LTBP1: variants seen among roughly 807,000 people sequenced by gnomAD.
The protein encoded by LTBP1 is latent-transforming growth factor beta-binding protein 1.
In LTBP1, 129 loss-of-function variants were observed where a neutral mutation model predicts 207.6. The observed-to-expected ratio is 0.62, with a 90% CI of 0.54 to 0.72. LTBP1 has a LOEUF of 0.72. Among genes scored for constraint, LTBP1 ranks in the 30% least tolerant of loss-of-function variants. LTBP1 has a pLI of 0.00. For missense variants in LTBP1, 2,281 were observed against 2,217.2 expected, an observed-to-expected ratio of 1.03 and a Z score of -0.58; for synonymous variants, 963 against 833.7, an observed-to-expected ratio of 1.16 and a Z score of -2.67.
At chr2:32,952,493 T>C (rs1047050995) in intron 2 of LTBP1, among the ~76,000 whole-genome samples, 1 of 152,242 alleles carries the variant, frequency 6.6e-6, no homozygotes, top group African/African-American at 2.4e-5. Flanking sequence ...TTACCTGTTT[T>C]GGACAAAAGA....
At chr2:33,348,520 A>G (rs1339128386) in intron 26 of LTBP1, among the ~76,000 whole-genome samples, 1 of 152,186 alleles carries the variant, frequency 6.6e-6, no homozygotes, top group African/African-American at 2.4e-5. Flanking sequence ...GAGACTTTTC[A>G]TTTTAATTGG....
At chr2:33,284,760 C>G (rs1341545448) in intron 19 of LTBP1, among the ~76,000 whole-genome samples, 2 of 151,864 alleles carry the variant, frequency 1.3e-5, no homozygotes, top group African/African-American at 4.9e-5. Context: ...GATCTTAGTT[C>G]CCTGAATTTA....
intron 2 of LTBP1, among the ~76,000 whole-genome samples, chr2:33,018,300 G>A (rs1033185872): frequency 1.3e-5 from 2 of 151,990 alleles, no homozygotes; most frequent in Non-Finnish European, 1.5e-5. Context: ...ATTGGAGGAT[G>A]TCAGTCCTTG....
intron 5 of LTBP1, among the ~76,000 whole-genome samples, chr2:33,157,997 G>GT (rs2084119553): frequency 6.6e-6 from 1 of 152,036 alleles, no homozygotes; most frequent in Non-Finnish European, 1.5e-5. Context: ...TTAGCCAGCC[G>GT]TGGTGGCATG....
At chr2:32,955,360 A>G (rs1360841571) in intron 2 of LTBP1, among the ~76,000 whole-genome samples, 1 of 152,216 alleles carries the variant, frequency 6.6e-6, no homozygotes, top group African/African-American at 2.4e-5. Flanking sequence ...TGTTTGAAGT[A>G]TATATGTGTA....
At chr2:33,208,133 T>C (rs1199198177) in intron 7 of LTBP1, among the ~76,000 whole-genome samples, 2 of 152,240 alleles carry the variant, frequency 1.3e-5, no homozygotes, top group Admixed American at 1.3e-4. Context: ...TTTTGTTTAC[T>C]AGAATACCCC....
At chr2:33,323,095 A>G (rs1006001955) in intron 24 of LTBP1, among the ~76,000 whole-genome samples, 7 of 152,220 alleles carry the variant, frequency 4.6e-5, no homozygotes, top group Non-Finnish European at 1.0e-4. Context: ...TCAAAAATGC[A>G]TCAAATACAC....
chr2:33,169,584 G>C (rs768614864), intron 5 of LTBP1, among the ~76,000 whole-genome samples: 30 of 152,186 alleles, frequency 2.0e-4, no homozygotes, highest in Non-Finnish European at 4.0e-4. Flanking sequence ...AGGGGTAATA[G>C]CTTTTTAAGA....
chr2:33,179,466 C>A (rs902033986), intron 5 of LTBP1, among the ~76,000 whole-genome samples: 1 of 150,826 alleles, frequency 6.6e-6, no homozygotes, highest in Admixed American at 6.6e-5. Flanking sequence ...AAAAAAAAAA[C>A]CAAAGAGATG....
intron 23 of LTBP1, among the ~76,000 whole-genome samples, chr2:33,314,877 A>G (rs2094243674): frequency 6.6e-6 from 1 of 152,214 alleles, no homozygotes; most frequent in South Asian, 2.1e-4. Context: ...TATGTCTAAA[A>G]TAAGGGTAGC....
intron 2 of LTBP1, among the ~76,000 whole-genome samples, chr2:33,020,525 G>C (rs1361588088): frequency 2.6e-5 from 4 of 152,174 alleles, no homozygotes; most frequent in Admixed American, 2.6e-4. Context: ...AAATGGTTAA[G>C]AATGATAGCT....
intron 10 of LTBP1, among the ~76,000 whole-genome samples, chr2:33,244,460 A>T (rs2092440175): frequency 6.6e-6 from 1 of 152,226 alleles, no homozygotes; most frequent in Non-Finnish European, 1.5e-5. Flanking sequence ...ATTGGTTCTG[A>T]AAGATAGTTT....
At chr2:33,250,273 A>G (rs2092645654) in intron 10 of LTBP1, among the ~76,000 whole-genome samples, 1 of 152,232 alleles carries the variant, frequency 6.6e-6, no homozygotes. Flanking sequence ...TTGGCTTCAA[A>G]TAGTTGTAGA....
At chr2:33,008,785 G>A (rs2149071689) in intron 2 of LTBP1, among the ~76,000 whole-genome samples, 1 of 152,360 alleles carries the variant, frequency 6.6e-6, no homozygotes, top group East Asian at 1.9e-4. Flanking sequence ...GGAGGATAGA[G>A]GCACAAGGGC....
chr2:33,387,558 C>T (rs528568076), intron 31 of LTBP1, among the ~76,000 whole-genome samples: 12 of 152,320 alleles, frequency 7.9e-5, no homozygotes, highest in Admixed American at 6.5e-4. Flanking sequence ...CTACCCTATC[C>T]AGTGGTTCAA....
chr2:32,985,292 G>T (rs187926235), intron 2 of LTBP1, among the ~76,000 whole-genome samples: 3 of 152,280 alleles, frequency 2.0e-5, no homozygotes, highest in South Asian at 2.1e-4. Context: ...GATGTTGCCA[G>T]GCTCTGGGCT....
intron 7 of LTBP1, among the ~76,000 whole-genome samples, chr2:33,196,232 C>T (rs1364232707): frequency 3.3e-5 from 5 of 152,122 alleles, no homozygotes; most frequent in Admixed American, 3.3e-4. Context: ...ACGAACTTGA[C>T]TCTTGAGCGG....
intron 3 of LTBP1, among the ~76,000 whole-genome samples, chr2:33,086,639 G>A (rs949343875): frequency 6.6e-6 from 1 of 152,124 alleles, no homozygotes; most frequent in Non-Finnish European, 1.5e-5. Flanking sequence ...AGACTTCTGG[G>A]CAGCACCGCA....
At chr2:32,983,567 G>A (rs1050155651) in intron 2 of LTBP1, among the ~76,000 whole-genome samples, 1 of 152,190 alleles carries the variant, frequency 6.6e-6, no homozygotes, top group East Asian at 1.9e-4. Context: ...ATCTTGAATT[G>A]TAACTCCCAA....
Sources: gnomAD v4.1 joint callset for allele counts (sites outside exome capture counted in the v4.1 genomes callset) on GRCh38, gnomAD v4.1.1 for gene constraint, MANE v1.5 for transcripts, NCBI Gene and HGNC (gene_info 2026-07-23, HGNC 2026-07-21) for gene names.